The following TUG1 variants were observed in gnomAD, a reference collection of about 807,000 sequenced individuals.
TUG1 encodes the protein taurine up-regulated 1.
chr22:30,970,444 C>T (rs2041216130), exon 1 of TUG1: 1 of 152,332 alleles, frequency 6.6e-6, no homozygotes, highest in Admixed American at 6.5e-5. Context: ...GAATCCTTTT[C>T]TTTCACCATG....
At chr22:30,971,679 G>C (rs2041231905) in exon 1 of TUG1, 1 of 153,206 alleles carries the variant, frequency 6.5e-6, no homozygotes, top group South Asian at 2.1e-4. Context: ...CAACGACTGA[G>C]CAAGCACTAC....
rs918527540 is a variant in TUG1 at position 30,979,379 on chromosome 22, G to T, written c.*6904G>T. 27 of 152,074 alleles carry T rather than the reference G, an allele frequency of 1.8e-4. 4 individuals are homozygous for T. Among genetic ancestry groups the T allele is most frequent in the Admixed American group, 1.6e-3 (24 of 15,290 alleles). 9.4% of individuals were successfully genotyped at this position (152,074 alleles called of 1,614,324 possible). The stretch of plus-strand genomic sequence containing the variant: ...ATTTTTAAACTTTATTTTAAATAAA[G>T]AATTTTTAAAATTAAATTTAGTGCT... On this transcript the variant is annotated 3_prime_UTR_variant, in exon 3 of 3. Coordinates refer to ENST00000644773, the Ensembl canonical transcript of TUG1.
exon 3 of TUG1, chr22:30,978,045 C>G (rs1032785048): frequency 6.6e-6 from 1 of 152,194 alleles, no homozygotes; most frequent in Non-Finnish European, 1.5e-5. Flanking sequence ...GTCCGATTCA[C>G]CAGTACACAC....
chr22:30,978,845 A>C (rs1016011553), exon 3 of TUG1: 1 of 152,122 alleles, frequency 6.6e-6, no homozygotes, highest in African/African-American at 2.4e-5. Context: ...TTTTTGCTTA[A>C]GTTACTTTGA....
At position 30,977,752 on chromosome 22, in the gene TUG1, T is replaced by A. The variant is rs150713697; in HGVS notation, c.*5277T>A. The A allele has an allele frequency of 3.0e-4, 46 of 152,294 alleles. 1 individual carries two copies. The highest frequency in any genetic ancestry group is 1.1e-3 in the African/African-American group (45 of 41,562). 9.4% of individuals were successfully genotyped at this position (152,294 alleles called of 1,614,324 possible). A position where few individuals can be genotyped will look rare whatever the true frequency, so the allele number is the denominator to read the frequency against. On this transcript the variant is annotated 3_prime_UTR_variant, in exon 3 of 3. Coordinates refer to ENST00000644773, the Ensembl canonical transcript of TUG1. ...CTGCAATTAGACTCACCGTGAGGAC[T>A]ACAGTCAATTTCAGTCTATCTTGTG...
chr22:30,969,825 G>A (rs527775091), exon 1 of TUG1: 24 of 152,386 alleles, frequency 1.6e-4, no homozygotes, highest in African/African-American at 4.3e-4. Context: ...TTAGTGAGGG[G>A]CGGGAGCTCT....
At chr22:30,978,947 C>T (rs1392847619) in exon 3 of TUG1, 1 of 152,134 alleles carries the variant, frequency 6.6e-6, no homozygotes, top group Non-Finnish European at 1.5e-5. Flanking sequence ...AGCTAGAGGT[C>T]ATGGTCACTG....
chr22:30,973,377 T>G (rs1192115096), exon 2 of TUG1: 1 of 152,238 alleles, frequency 6.6e-6, no homozygotes, highest in African/African-American at 2.4e-5. Context: ...CTTCAAATCC[T>G]GTAGTAGCCT....
exon 3 of TUG1, chr22:30,978,648 T>C (rs1208387122): frequency 2.0e-5 from 3 of 152,148 alleles, no homozygotes; most frequent in African/African-American, 4.8e-5. Flanking sequence ...TGCTTTAGCT[T>C]TGTAGGATGA....
chr22:30,972,196 G>GTGATA (rs1440387299), intron 1 of TUG1: 1 of 152,208 alleles, frequency 6.6e-6, no homozygotes, highest in Non-Finnish European at 1.5e-5. Flanking sequence ...TAATTGCTAT[G>GTGATA]TGATAACTTA....
At chr22:30,974,971 C>A (rs1180944862) in intron 2 of TUG1, 199 bp from the exon 3 acceptor site, 2 of 152,144 alleles carry the variant, frequency 1.3e-5, no homozygotes, top group African/African-American at 2.4e-5. Flanking sequence ...AGTGCTGTTA[C>A]AACTGAAAAT....
At chr22:30,974,650 G>A (rs968278656) in intron 2 of TUG1, 3 of 152,062 alleles carry the variant, frequency 2.0e-5, no homozygotes, top group Non-Finnish European at 4.4e-5. Flanking sequence ...TTCTGTCAAG[G>A]GAATCCCTAG....
chr22:30,976,208 A>T (rs1049796380), exon 3 of TUG1: 1 of 152,220 alleles, frequency 6.6e-6, no homozygotes. Context: ...CATGTGATTT[A>T]AAATGAAACC....
chr22:30,973,665 A>G (rs2041255189), intron 2 of TUG1, 78 bp downstream of exon 2: 1 of 152,214 alleles, frequency 6.6e-6, no homozygotes, highest in African/African-American at 2.4e-5. Flanking sequence ...ATTTATCTCA[A>G]TTATCAAAAT....
exon 1 of TUG1, chr22:30,970,238 C>T (rs1293858044): frequency 6.6e-6 from 1 of 152,112 alleles, no homozygotes; most frequent in Non-Finnish European, 1.5e-5. Flanking sequence ...AGCAAGTTTT[C>T]CAAGGGGGCT....
chr22:30,977,032 ATACTT>A (rs528443037), exon 3 of TUG1: 207 of 152,262 alleles, frequency 1.4e-3, no homozygotes, highest in African/African-American at 4.6e-3. Context: ...GGTTTTTCCT[ATACTT>A]TACAGAAAAA....
Position 30,973,656 on chromosome 22 carries a change from T to C in TUG1, c.*2694+69T>C, listed in dbSNP as rs549850051. ...CAGTTTCAAAGCACTTGTACGTACA[T>C]TTATCTCAATTATCAAAATAACAGT... On this transcript the variant is annotated intron_variant, in intron 2 of 2. Coordinates refer to ENST00000644773, the Ensembl canonical transcript of TUG1. 4.6e-5 allele frequency: 7 copies of C among 152,352 alleles called. No individual in the cohort carries two copies. In the South Asian group the frequency reaches 1.2e-3, roughly 27 times the overall value. The allele number at this position is 152,352 out of a possible 1,614,324, so 9.4% of individuals were successfully genotyped here.
chr22:30,976,812 T>G (rs2041292921), exon 3 of TUG1: 1 of 152,196 alleles, frequency 6.6e-6, no homozygotes, highest in Non-Finnish European at 1.5e-5. Flanking sequence ...TTTGTTTATA[T>G]CCTTGTCTCT....
At chr22:30,973,436 C>G (rs2041253069) in exon 2 of TUG1, 1 of 152,200 alleles carries the variant, frequency 6.6e-6, no homozygotes, top group African/African-American at 2.4e-5. Context: ...ATCAAAGGCA[C>G]AGTGAACTCC....
Sources: allele counts gnomAD v4.1 joint callset, GRCh38; gene constraint gnomAD v4.1.1; transcripts MANE v1.5; gene names NCBI Gene and HGNC (gene_info 2026-07-23, HGNC 2026-07-21).